OXGR1: variants seen among roughly 807,000 people sequenced by gnomAD.
OXGR1 encodes 2-oxoglutarate receptor 1.
OXGR1 carries 10 observed loss-of-function variants against 10.0 expected under a neutral mutation model. That is an observed-to-expected ratio of 1.00 (90% CI 0.62 to 1.70). The LOEUF (loss-of-function observed/expected upper bound fraction) is 1.70, where lower values mean the gene tolerates loss of function less well. OXGR1 is among the 40% of genes most tolerant of loss of function. The pLI is 0.00. For synonymous variants in OXGR1, 191 were observed against 155.9 expected, an observed-to-expected ratio of 1.22 and a Z score of -1.68; for missense variants, 398 against 407.6, an observed-to-expected ratio of 0.98 and a Z score of 0.20.
At chr13:96,993,935 G>A (rs923178219) in intron 1 of OXGR1, among the ~76,000 whole-genome samples, 13 of 152,076 alleles carry the variant, frequency 8.5e-5, no homozygotes, top group African/African-American at 3.1e-4. Flanking sequence ...AACTCTGTTT[G>A]TCTCCTAAGC....
intron 2 of OXGR1, among the ~76,000 whole-genome samples, chr13:96,990,632 C>A (rs149881579): frequency 6.6e-6 from 1 of 152,184 alleles, no homozygotes; most frequent in African/African-American, 2.4e-5. Context: ...GAAGGGGCAA[C>A]TATCATTCTA....
rs148408262 is a variant in OXGR1 at position 96,986,827 on chromosome 13, C to G, written c.933G>C (p.Gln311His). The G allele has an allele frequency of 6.2e-7, 1 of 1,614,062 alleles. No homozygotes were observed. The change falls in exon 4 of 4, where the codon CAG becomes CAC. Residue 311 changes from glutamine (Q) to histidine (H), a missense_variant. Physicochemically the swap from Gln to His is conservative, Grantham distance 24. Coordinates refer to ENST00000541038, the MANE Select transcript of OXGR1 (RefSeq NM_001346194.2). ...TGCATCTCACTGTTGAGCAGACAGC[C>G]TGCTGAAAGTTGTCGCTGACCACCA... ...LYVVVSDNFQ[Q>H]AVCSTVRCKV...
At position 96,986,711 on chromosome 13, in the gene OXGR1, C is replaced by T; in HGVS notation, c.*35G>A. 1.3e-6 allele frequency: 2 copies of T among 1,558,542 alleles called. No individual in the cohort carries two copies. Among genetic ancestry groups the T allele is most frequent in the Non-Finnish European group, 1.7e-6 (2 of 1,156,300 alleles). Reference sequence around the variant, plus strand: ...CTTAGGATGCTAGGTAAAGTATCAGCAAGTATTTGTTTTTGGTTAAGTAAA... The same window carrying T: ...CTTAGGATGCTAGGTAAAGTATCAGTAAGTATTTGTTTTTGGTTAAGTAAA... On this transcript the variant is annotated 3_prime_UTR_variant, in exon 4 of 4. Transcript: ENST00000541038.
chr13:96,990,076 C>T (rs1014035489), intron 2 of OXGR1, among the ~76,000 whole-genome samples: 16 of 152,052 alleles, frequency 1.1e-4, no homozygotes, highest in African/African-American at 3.9e-4. Context: ...GTTAAAAGTG[C>T]TATTCATGAA....
In OXGR1 at chr13:96,987,681, C is replaced by T. The variant is rs1292466198; in HGVS notation, c.79G>A (p.Glu27Lys). The change falls in exon 4 of 4, where the codon GAA becomes AAA. Residue 27 changes from glutamate to lysine, a missense_variant. Transcript: ENST00000541038. ...TAGTGCATCTTGAGTGGGATGTTTT[C>T]ATCAGTGCAATTTCCAAAAGCAGCT... ...YAAAFGNCTD[E>K]NIPLKMHYLP... The T allele has an allele frequency of 1.1e-5, 18 of 1,614,006 alleles. No homozygotes were observed. The highest frequency in any genetic ancestry group is 1.5e-5 in the Non-Finnish European group (18 of 1,179,960).
intron 3 of OXGR1, among the ~76,000 whole-genome samples, chr13:96,989,114 A>G (rs1243413800): frequency 2.6e-5 from 4 of 152,230 alleles, no homozygotes; most frequent in African/African-American, 7.2e-5. Context: ...ACATAAGAAA[A>G]GCTTAAAAAA....
At chr13:96,988,571 A>G (rs187863731) in intron 3 of OXGR1, among the ~76,000 whole-genome samples, 37 of 152,196 alleles carry the variant, frequency 2.4e-4, no homozygotes, top group Non-Finnish European at 2.9e-5. Context: ...AGCTAACATA[A>G]TTTGTTTGTG....
At chr13:96,993,911 T>C (rs1229687499) in intron 1 of OXGR1, among the ~76,000 whole-genome samples, 1 of 152,034 alleles carries the variant, frequency 6.6e-6, no homozygotes, top group Non-Finnish European at 1.5e-5. Context: ...CGGTGATCAA[T>C]GGGGTGAGGG....
rs899984441 is a variant in OXGR1 at position 96,994,422 on chromosome 13, C to G, written c.-402G>C. On this transcript the variant is annotated 5_prime_UTR_variant, in exon 1 of 4. Coordinates refer to ENST00000541038, the MANE Select transcript of OXGR1 (RefSeq NM_001346194.2). ...CCCCTCCCACCCCTCCGAGGCCCAG[C>G]GAGCAAGTGCGTGTTCTCGGGTCCT... is the stretch of plus-strand genomic sequence containing the variant. 4.0e-5 allele frequency: 6 copies of G among 150,132 alleles called. No individual in the cohort carries two copies. Among genetic ancestry groups the G allele is most frequent in the African/African-American group, 1.5e-4 (6 of 40,616 alleles). 9.3% of individuals were successfully genotyped at this position (150,132 alleles called of 1,614,324 possible). A position where few individuals can be genotyped will look rare whatever the true frequency, so the allele number is the denominator to read the frequency against.
At position 96,986,981 on chromosome 13, in the gene OXGR1, A is replaced by C; in HGVS notation, c.779T>G (p.Leu260Trp). The C allele has an allele frequency of 1.2e-6, 2 of 1,614,212 alleles. No individual in the cohort carries two copies. Among genetic ancestry groups the C allele is most frequent in the Non-Finnish European group, 8.5e-7 (1 of 1,180,036 alleles). Residue 260 changes from leucine (L) to tryptophan (W), a missense_variant, in exon 4 of 4, where the codon TTG becomes TGG. By Grantham distance (61) the Leu-to-Trp change is moderately conservative. Transcript: ENST00000541038. ...FYVCFLPFHILRVIRIESRLL... is the reference protein window; with the variant it reads ...FYVCFLPFHIWRVIRIESRLL... ...GCGAGATTCGATCCGAATGACCCTC[A>C]AGATATGGAAGGGTAAAAAACATAC...
chr13:96,986,512 T>C lies in OXGR1; in HGVS notation c.*234A>G. The C allele has an allele frequency of 2.0e-6, 1 of 495,576 alleles. No individual in the cohort carries two copies. Among genetic ancestry groups the C allele is most frequent in the Non-Finnish European group, 3.6e-6 (1 of 279,728 alleles). 30.7% of individuals were successfully genotyped at this position (495,576 alleles called of 1,614,324 possible). A position where few individuals can be genotyped will look rare whatever the true frequency, so the allele number is the denominator to read the frequency against. On this transcript the variant is annotated 3_prime_UTR_variant, in exon 4 of 4. Transcript: ENST00000541038. Reference sequence around the variant, plus strand: ...GCCTCTGAGTTCCAATAGCTTGTAATACTATGTCTGAATACTTTGCTGATA... The same window carrying C: ...GCCTCTGAGTTCCAATAGCTTGTAACACTATGTCTGAATACTTTGCTGATA...
At chr13:96,992,086 A>G (rs1274864810) in intron 2 of OXGR1, among the ~76,000 whole-genome samples, 1 of 152,024 alleles carries the variant, frequency 6.6e-6, no homozygotes, top group Non-Finnish European at 1.5e-5. Context: ...GAAGCTGGGA[A>G]GAGTAGTGGG....
Position 96,986,982 on chromosome 13 carries a change from A to G in OXGR1, c.778T>C (p.Leu260=). ...FYVCFLPFHI[L]RVIRIESRLL... is the part of the protein sequence containing the mutation. ...CGAGATTCGATCCGAATGACCCTCA[A>G]GATATGGAAGGGTAAAAAACATACG... Residue 260 remains leucine, a synonymous_variant, in exon 4 of 4, where the codon TTG becomes CTG. Transcript: ENST00000541038. 1.9e-6 allele frequency: 3 copies of G among 1,614,226 alleles called. No individual in the cohort carries two copies. In the South Asian group the frequency reaches 3.3e-5, roughly 18 times the overall value.
In OXGR1 at chr13:96,989,822, G is replaced by A. The variant is rs978060717; in HGVS notation, c.-126-13C>T. On this transcript the variant is annotated splice_polypyrimidine_tract_variant and intron_variant, in intron 2 of 3. Coordinates refer to ENST00000541038, the MANE Select transcript of OXGR1 (RefSeq NM_001346194.2). ...CATCAGGATTACCCTAAATAATAGA[G>A]GGAAAAACAAGTGTGAAGACAGGAA... 1 of 152,092 alleles carries A rather than the reference G, an allele frequency of 6.6e-6. No individual in the cohort carries two copies. The allele number at this position is 152,092 out of a possible 1,614,324, so 9.4% of individuals were successfully genotyped here.
Position 96,987,476 on chromosome 13 carries a change from C to T in OXGR1, c.284G>A (p.Ser95Asn). The T allele has an allele frequency of 6.2e-7, 1 of 1,614,204 alleles. No individual in the cohort carries two copies. The highest frequency in any genetic ancestry group is 8.5e-7 in the Non-Finnish European group (1 of 1,180,032). Residue 95 changes from serine (S) to asparagine (N), a missense_variant, in exon 4 of 4, where the codon AGT becomes AAT. Physicochemically the swap from Ser to Asn is conservative, Grantham distance 46 (BLOSUM62 1). Transcript: ENST00000541038. ...ATCTCCAAAGATCCAGTTTTCGCCA[C>T]TGGCATAGTAGTGAATCAGGAAGGG... ...SLPFLIHYYA[S>N]GENWIFGDFM...
At position 96,986,938 on chromosome 13, in the gene OXGR1, A is replaced by G. The variant is rs939632112; in HGVS notation, c.822T>C (p.Cys274=). Residue 274 remains cysteine (C), a synonymous_variant, in exon 4 of 4, where the codon TGT becomes TGC. Coordinates refer to ENST00000541038, the MANE Select transcript of OXGR1 (RefSeq NM_001346194.2). Reference sequence around the variant, plus strand: ...CTTCATGGATCTGATTCTCAATGGAACAACTGATTGAAAGCAGGCGAGATT... The same window carrying G: ...CTTCATGGATCTGATTCTCAATGGAGCAACTGATTGAAAGCAGGCGAGATT... ...RIESRLLSIS[C]SIENQIHEAY... 2 of 1,614,182 alleles carry G rather than the reference A, an allele frequency of 1.2e-6. No individual in the cohort carries two copies. Among genetic ancestry groups the G allele is most frequent in the African/African-American group, 2.7e-5 (2 of 75,044 alleles).
At chr13:96,990,959 A>AAAAAAAAAAAAAAAAAAAAAAAAAC (rs1882026403) in intron 2 of OXGR1, among the ~76,000 whole-genome samples, 1 of 151,610 alleles carries the variant, frequency 6.6e-6, no homozygotes. Flanking sequence ...AAAAAAAAAA[A>AAAAAAAAAAAAAAAAAAAAAAAAAC]AAAGCAAGCT....
In OXGR1 at chr13:96,986,974, G is replaced by A. The variant is rs760613298; in HGVS notation, c.786C>T (p.Val262=). The A allele has an allele frequency of 4.3e-6, 7 of 1,614,168 alleles. No individual in the cohort carries two copies. The Admixed American group carries it at 1.2e-4, about 27-fold the overall frequency. Residue 262 remains valine, a synonymous_variant, in exon 4 of 4, where the codon GTC becomes GTT. Coordinates refer to ENST00000541038, the MANE Select transcript of OXGR1 (RefSeq NM_001346194.2). Reference sequence around the variant, plus strand: ...AAAGCAGGCGAGATTCGATCCGAATGACCCTCAAGATATGGAAGGGTAAAA... The same window carrying A: ...AAAGCAGGCGAGATTCGATCCGAATAACCCTCAAGATATGGAAGGGTAAAA... ...VCFLPFHILR[V]IRIESRLLSI... is the part of the protein sequence containing the mutation.
intron 2 of OXGR1, among the ~76,000 whole-genome samples, chr13:96,991,525 T>G (rs1882058366): frequency 6.6e-6 from 1 of 152,180 alleles, no homozygotes; most frequent in African/African-American, 2.4e-5. Flanking sequence ...CAAGAAATAA[T>G]GATGTATTCA....
Sources: gnomAD v4.1 joint callset for allele counts (sites outside exome capture counted in the v4.1 genomes callset) on GRCh38, gnomAD v4.1.1 for gene constraint, MANE v1.5 for transcripts, NCBI Gene and HGNC (gene_info 2026-07-23, HGNC 2026-07-21) for gene names.